Variants in IL3RA observed in about 807,000 individuals in gnomAD.
IL3RA encodes the protein interleukin 3 receptor subunit alpha.
IL3RA carries 73 observed loss-of-function variants against 52.3 expected under a neutral mutation model. The ratio of observed to expected loss-of-function variants is 1.40; its 90% CI spans 1.16 to 1.70. The LOEUF is 1.70. IL3RA is among the 40% of genes most tolerant of loss of function. The probability of loss-of-function intolerance (pLI) is 0.00; values close to 1 mark genes in which losing one functional copy is unlikely to be tolerated. For synonymous variants in IL3RA, 260 were observed against 194.0 expected (o/e 1.34, Z -2.83); for missense variants, 664 against 504.4 (o/e 1.32, Z -3.03).
intron 9 of IL3RA, among the ~76,000 whole-genome samples, chrX:1,377,161 C>A (rs1343339443): frequency 1.3e-5 from 2 of 152,182 alleles, no homozygotes; most frequent in South Asian, 2.1e-4. Flanking sequence ...ACCAGCCCTG[C>A]CCATGCCCAT....
rs183842238 is a variant in IL3RA, at chrX:1,377,281, G to A, written c.875-1378G>A. Among the ~76,000 whole-genome samples the A allele has an allele frequency of 2.7e-3, 415 of 151,460 alleles. 2 individuals are homozygous for A. Among genetic ancestry groups the A allele is most frequent in the African/African-American group, 9.5e-3 (393 of 41,266 alleles). On this transcript the variant is annotated intron_variant, in intron 9 of 11. Coordinates refer to ENST00000331035, the MANE Select transcript of IL3RA (RefSeq NM_002183.4). Reference sequence around the variant, plus strand: ...TTCTGAGATGGAGTCTCACTCTGTCGCCAGGCTGGAGTGCAGTGGCGTGAT... The same window carrying A: ...TTCTGAGATGGAGTCTCACTCTGTCACCAGGCTGGAGTGCAGTGGCGTGAT...
intron 6 of IL3RA, among the ~76,000 whole-genome samples, chrX:1,353,670 C>G (rs1450151054): frequency 2.9e-5 from 3 of 102,386 alleles, no homozygotes; most frequent in African/African-American, 4.6e-5. Context: ...TGGGACCCCC[C>G]CCATCATGGG....
chrX:1,346,091 G>A (rs2085730467), intron 3 of IL3RA, among the ~76,000 whole-genome samples: 1 of 151,432 alleles, frequency 6.6e-6, no homozygotes, highest in Admixed American at 6.6e-5. Flanking sequence ...GAGGCGGGCG[G>A]ATCATGAGGT....
chrX:1,340,087 C>T (rs1203153998), intron 1 of IL3RA, among the ~76,000 whole-genome samples: 7 of 151,884 alleles, frequency 4.6e-5, no homozygotes, highest in African/African-American at 1.7e-4. Flanking sequence ...GGCTAAACCC[C>T]CAGGGCAGCA....
chrX:1,347,200 A>G (rs1265715891), intron 3 of IL3RA, among the ~76,000 whole-genome samples: 2 of 150,784 alleles, frequency 1.3e-5, no homozygotes, highest in Non-Finnish European at 2.9e-5. Flanking sequence ...TCATCCCAGC[A>G]CTTTGGAGGC....
intron 1 of IL3RA, among the ~76,000 whole-genome samples, chrX:1,339,932 G>A (rs1367975296): frequency 1.3e-4 from 19 of 151,958 alleles, no homozygotes; most frequent in Non-Finnish European, 1.5e-5. Context: ...CCCTTGTTAC[G>A]GTAACTGCAG....
intron 8 of IL3RA, among the ~76,000 whole-genome samples, chrX:1,363,241 T>G (rs1298877569): frequency 2.6e-5 from 4 of 151,458 alleles, no homozygotes; most frequent in Non-Finnish European, 5.9e-5. Context: ...CATATGAATT[T>G]TGGGGGATCA....
intron 3 of IL3RA, 121 bp from the exon 4 acceptor site, chrX:1,348,310 G>C: frequency 1.3e-6 from 1 of 768,076 alleles, no homozygotes; most frequent in East Asian, 2.5e-5. Context: ...CCGAGATCAC[G>C]CCACTGCACT....
At chrX:1,381,930 T>A (rs2089194762) in intron 11 of IL3RA, among the ~76,000 whole-genome samples, 1 of 109,524 alleles carries the variant, frequency 9.1e-6, no homozygotes. Context: ...GTCAGAGTTT[T>A]TTGTTTTGTT....
chrX:1,364,970 G>A (rs1296398699), intron 8 of IL3RA, among the ~76,000 whole-genome samples, 168 bp from the exon 9 acceptor site: 1 of 151,736 alleles, frequency 6.6e-6, no homozygotes, highest in African/African-American at 2.4e-5. Flanking sequence ...CACCATGCCA[G>A]GCTAATTTTT....
chrX:1,341,678 A>T lies in IL3RA; in HGVS notation c.-38-50A>T, dbSNP rs188514503. 53 of 1,476,168 alleles carry T rather than the reference A, an allele frequency of 3.6e-5. No individual in the cohort carries two copies. In the East Asian group the frequency reaches 1.0e-3, roughly 29 times the overall value. 91.4% of individuals were successfully genotyped at this position (1,476,168 alleles called of 1,614,324 possible). A position where few individuals can be genotyped will look rare whatever the true frequency, so the allele number is the denominator to read the frequency against. Reference sequence around the variant, plus strand: ...GGGCAAGCATCCTTCATTACCCGCAACCCAGTTTCACAGCCAGTCCCCGCT... The same window carrying T: ...GGGCAAGCATCCTTCATTACCCGCATCCCAGTTTCACAGCCAGTCCCCGCT... On this transcript the variant is annotated intron_variant, in intron 1 of 11. Transcript: ENST00000331035.
intron 8 of IL3RA, among the ~76,000 whole-genome samples, chrX:1,360,854 C>CCTTCCCCTCT (rs1569524742): frequency 7.4e-6 from 1 of 134,440 alleles, no homozygotes; most frequent in African/African-American, 2.8e-5. Context: ...TAGCTCTCTC[C>CCTTCCCCTCT]CTGTCTCTCT....
In IL3RA at chrX:1,354,524, G is replaced by A. The variant is rs2086471615; in HGVS notation, c.617-1697G>A. On this transcript the variant is annotated intron_variant, in intron 6 of 11. Coordinates refer to ENST00000331035, the MANE Select transcript of IL3RA (RefSeq NM_002183.4). ...GAGGAGGAGAAGGAAAAGAAACAGA[G>A]GAAAAGGAGGGGGAGGAGGTAGAGA... is the stretch of plus-strand genomic sequence containing the variant. 2.1e-5 allele frequency among the ~76,000 whole-genome samples: 3 copies of A among 142,568 alleles called. No homozygotes were observed. In the Admixed American group the frequency reaches 2.1e-4, roughly 10 times the overall value. The allele number at this position is 142,568 out of a possible 152,430, so 93.5% of individuals were successfully genotyped here.
intron 10 of IL3RA, among the ~76,000 whole-genome samples, 162 bp from the exon 11 acceptor site, chrX:1,380,861 G>T (rs2089145479): frequency 6.6e-6 from 1 of 151,762 alleles, no homozygotes; most frequent in Non-Finnish European, 1.5e-5. Context: ...GATGGTCGGG[G>T]GCGTGTCAGG....
chrX:1,378,643 C>T lies in IL3RA; in HGVS notation c.875-16C>T. On this transcript the variant is annotated splice_polypyrimidine_tract_variant and intron_variant, in intron 9 of 11. Transcript: ENST00000331035. ...GACGGCCCCCGGTCTGTGACCCTCT[C>T]ACCCTTTACCCCTAGAGTGCGACCA... The T allele has an allele frequency of 1.2e-6, 2 of 1,609,268 alleles. No individual in the cohort carries two copies. The highest frequency in any genetic ancestry group is 1.3e-5 in the African/African-American group (1 of 74,960).
At chrX:1,364,262 C>T (rs1401567142) in intron 8 of IL3RA, among the ~76,000 whole-genome samples, 14 of 151,832 alleles carry the variant, frequency 9.2e-5, no homozygotes, top group Middle Eastern at 6.8e-3. Context: ...GAGGCTGAGG[C>T]GGGTGGATCA....
At chrX:1,357,108 A>G in intron 7 of IL3RA, among the ~76,000 whole-genome samples, 1 of 151,986 alleles carries the variant, frequency 6.6e-6, no homozygotes, top group Middle Eastern at 3.4e-3. Context: ...ACCCATCACC[A>G]CACCCAGCTA....
At chrX:1,341,381 G>A (rs1485858429) in intron 1 of IL3RA, among the ~76,000 whole-genome samples, 3 of 151,924 alleles carry the variant, frequency 2.0e-5, no homozygotes, top group African/African-American at 7.3e-5. Flanking sequence ...ACACGTGCAA[G>A]CACACACACA....
intron 7 of IL3RA, among the ~76,000 whole-genome samples, chrX:1,357,506 C>T (rs2086827679): frequency 6.6e-6 from 1 of 151,482 alleles, no homozygotes; most frequent in South Asian, 2.1e-4. Flanking sequence ...ATTACAGGCA[C>T]CTGCCACCAT....
Sources: allele counts gnomAD v4.1 joint callset (sites outside exome capture counted in the v4.1 genomes callset), GRCh38; gene constraint gnomAD v4.1.1; transcripts MANE v1.5; gene names NCBI Gene and HGNC (gene_info 2026-07-23, HGNC 2026-07-21).